Variants in PDE11A observed in about 807,000 individuals in gnomAD.
The protein encoded by PDE11A is phosphodiesterase 11A.
In PDE11A, 100 loss-of-function variants were observed where a neutral mutation model predicts 100.5. The observed-to-expected ratio is 1.00, with a 90% CI of 0.85 to 1.18. The LOEUF (loss-of-function observed/expected upper bound fraction) is 1.18, where lower values mean the gene tolerates loss of function less well. Among genes scored for constraint, PDE11A ranks in the 50% most tolerant of loss-of-function variants. PDE11A has a pLI of 0.00. For missense variants in PDE11A, 1,141 were observed against 1,152.6 expected (o/e 0.99, Z 0.15); for synonymous variants, 381 against 420.8 (o/e 0.91, Z 1.16).
intron 2 of PDE11A, among the ~76,000 whole-genome samples, chr2:178,090,333 AT>A (rs1224020668): frequency 6.6e-6 from 1 of 152,208 alleles, no homozygotes; most frequent in African/African-American, 2.4e-5. Context: ...TCCAACTTTT[AT>A]TTCTTTACAA....
chr2:178,067,370 T>G (rs1186174410), intron 1 of PDE11A, among the ~76,000 whole-genome samples: 1 of 152,202 alleles, frequency 6.6e-6, no homozygotes, highest in Non-Finnish European at 1.5e-5. Flanking sequence ...TCAAAGTCCT[T>G]CCTTCTTTTG....
chr2:177,761,154 A>T (rs188603929), intron 10 of PDE11A, among the ~76,000 whole-genome samples: 87 of 152,206 alleles, frequency 5.7e-4, no homozygotes, highest in Non-Finnish European at 8.8e-4. Context: ...TTTTGCCTCC[A>T]GCGGGGAAGA....
At chr2:177,754,176 G>A (rs548392120) in intron 10 of PDE11A, among the ~76,000 whole-genome samples, 1 of 152,338 alleles carries the variant, frequency 6.6e-6, no homozygotes, top group East Asian at 1.9e-4. Flanking sequence ...AGGAGTGACA[G>A]TTGGGAAGAG....
At chr2:177,943,574 T>C (rs1457628269) in intron 2 of PDE11A, among the ~76,000 whole-genome samples, 2 of 152,212 alleles carry the variant, frequency 1.3e-5, no homozygotes, top group African/African-American at 2.4e-5. Context: ...TTTTAAATCA[T>C]GTTAGTTTTT....
intron 7 of PDE11A, among the ~76,000 whole-genome samples, chr2:177,818,742 A>G (rs2083085816): frequency 6.6e-6 from 1 of 151,922 alleles, no homozygotes; most frequent in Non-Finnish European, 1.5e-5. Flanking sequence ...CTTTTTCCAA[A>G]CTTCACCTCT....
intron 4 of PDE11A, among the ~76,000 whole-genome samples, chr2:177,891,485 G>T (rs1456917051): frequency 2.6e-5 from 4 of 152,158 alleles, no homozygotes; most frequent in Non-Finnish European, 5.9e-5. Context: ...ATTCTCATCA[G>T]AATTGAATGA....
chr2:177,657,639 C>A (rs78001908), intron 19 of PDE11A, among the ~76,000 whole-genome samples: 3,810 of 143,576 alleles, frequency 0.027, 143 homozygotes, highest in African/African-American at 0.091. Context: ...GGGAGAGGGG[C>A]AGGGAGAGAG....
intron 1 of PDE11A, among the ~76,000 whole-genome samples, chr2:178,041,397 C>T (rs1375061717): frequency 2.6e-5 from 4 of 151,916 alleles, no homozygotes; most frequent in African/African-American, 7.3e-5. Context: ...GCATGCACCA[C>T]CACGCCCGGC....
intron 1 of PDE11A, chr2:178,018,369 T>TTTGGTACACTTGACTTTAAC: frequency 2.7e-6 from 1 of 372,400 alleles, no homozygotes; most frequent in African/African-American, 2.5e-5. Context: ...AGGCAGGCCT[T>TTTGGTACACTTGACTTTAAC]TTGGCACACT....
Position 177,629,235 on chromosome 2 carries a change from G to A in PDE11A, c.*172C>T, listed in dbSNP as rs145007012. On this transcript the variant is annotated 3_prime_UTR_variant, in exon 20 of 20. Transcript: ENST00000286063. ...CCCCACCTCTTTCTTTGTCCTTCCCGTTGCTCTCTCTGCTGCTGACCATGC... is the reference window on the plus strand; with the variant it reads ...CCCCACCTCTTTCTTTGTCCTTCCCATTGCTCTCTCTGCTGCTGACCATGC... 82 of 686,324 alleles carry A rather than the reference G, an allele frequency of 1.2e-4. 1 individual carries two copies. The East Asian group carries it at 1.8e-3, about 15-fold the overall frequency. 42.5% of individuals were successfully genotyped at this position (686,324 alleles called of 1,614,324 possible).
chr2:177,706,545 A>G lies in PDE11A; in HGVS notation c.2153+5224T>C, dbSNP rs1367027874. On this transcript the variant is annotated intron_variant, in intron 13 of 19. Transcript: ENST00000286063. ...AATAAATCTCATTCTAATCAATAAA[A>G]AGGTAGTTCCTTGACCATGATGCTA... 4.6e-5 allele frequency among the ~76,000 whole-genome samples: 7 copies of G among 152,324 alleles called. No individual in the cohort carries two copies. The East Asian group carries it at 1.3e-3, about 29-fold the overall frequency.
intron 18 of PDE11A, among the ~76,000 whole-genome samples, chr2:177,668,840 T>C (rs2080629842): frequency 6.6e-6 from 1 of 152,194 alleles, no homozygotes. Context: ...TTGGGTTATA[T>C]GTTTTTAGCT....
chr2:178,002,243 G>A (rs1574334730), intron 2 of PDE11A, among the ~76,000 whole-genome samples: 1 of 152,278 alleles, frequency 6.6e-6, no homozygotes, highest in East Asian at 1.9e-4. Flanking sequence ...CAAAGGATAT[G>A]ATTTCATTCT....
At chr2:177,834,442 G>A (rs1473413160) in intron 6 of PDE11A, among the ~76,000 whole-genome samples, 2 of 152,164 alleles carry the variant, frequency 1.3e-5, no homozygotes, top group Non-Finnish European at 2.9e-5. Context: ...GAATGTATTG[G>A]CACCTATCTT....
intron 5 of PDE11A, among the ~76,000 whole-genome samples, chr2:177,848,426 T>C (rs1209719092): frequency 6.6e-6 from 1 of 152,226 alleles, no homozygotes. Context: ...CTAAGCTCGA[T>C]TCACTTCAGC....
At chr2:177,764,391 G>A (rs1189715522) in intron 10 of PDE11A, among the ~76,000 whole-genome samples, 2 of 152,156 alleles carry the variant, frequency 1.3e-5, no homozygotes, top group Non-Finnish European at 2.9e-5. Context: ...TCAATTGAAG[G>A]AAGGGATGAT....
chr2:177,916,177 A>G (rs2084950756), intron 2 of PDE11A, among the ~76,000 whole-genome samples: 1 of 152,160 alleles, frequency 6.6e-6, no homozygotes, highest in Admixed American at 6.5e-5. Flanking sequence ...TGGTCTTCTA[A>G]CTGTCCCTTT....
exon 2 of PDE11A, chr2:178,104,432 C>T (rs371142049): frequency 2.0e-5 from 32 of 1,613,956 alleles, no homozygotes; most frequent in African/African-American, 6.7e-5. Flanking sequence ...GAGCACATTT[C>T]TGAATAAAGG....
At chr2:177,759,610 G>T in intron 10 of PDE11A, among the ~76,000 whole-genome samples, 1 of 152,218 alleles carries the variant, frequency 6.6e-6, no homozygotes, top group Middle Eastern at 3.2e-3. Context: ...GATGTCAAGA[G>T]ATTTTGATAC....
Sources: allele counts gnomAD v4.1 joint callset (sites outside exome capture counted in the v4.1 genomes callset), GRCh38; gene constraint gnomAD v4.1.1; transcripts MANE v1.5; gene names NCBI Gene and HGNC (gene_info 2026-07-23, HGNC 2026-07-21).